The following CHCHD3 variants were observed in gnomAD, a reference collection of about 807,000 sequenced individuals.
The protein encoded by CHCHD3 is MICOS complex subunit MIC19.
In CHCHD3, 20 loss-of-function variants were observed where a neutral mutation model predicts 38.2. The observed-to-expected ratio is 0.52, with a 90% CI of 0.37 to 0.76. The LOEUF (loss-of-function observed/expected upper bound fraction) is 0.76, where lower values mean the gene tolerates loss of function less well. CHCHD3 is among the 30% of genes least tolerant of loss of function. The pLI is 0.00. For missense variants in CHCHD3, 245 were observed against 279.2 expected, an observed-to-expected ratio of 0.88 and a Z score of 0.87; for synonymous variants, 82 against 100.0, an observed-to-expected ratio of 0.82 and a Z score of 1.07.
At chr7:133,037,822 A>AATAC (rs1458291412) in intron 2 of CHCHD3, among the ~76,000 whole-genome samples, 2 of 152,172 alleles carry the variant, frequency 1.3e-5, no homozygotes, top group Admixed American at 1.3e-4. Context: ...AGAAAAAATA[A>AATAC]ATACATACAT....
chr7:132,829,641 A>G (rs529846252), intron 6 of CHCHD3, among the ~76,000 whole-genome samples: 1 of 152,338 alleles, frequency 6.6e-6, no homozygotes, highest in Admixed American at 6.5e-5. Context: ...AGAACAGAGA[A>G]GAATGCTCCA....
In CHCHD3 at chr7:132,907,669, G is replaced by C. The variant is rs181584136; in HGVS notation, c.370-21924C>G. On this transcript the variant is annotated intron_variant, in intron 4 of 7. Transcript: ENST00000262570. ...TCTGGACTTCATCCTGTAGGCCATG[G>C]GGGGGCCGCTAAAGGTTTTTGAGCA... 7.4e-4 allele frequency among the ~76,000 whole-genome samples: 112 copies of C among 152,242 alleles called. 1 individual carries two copies. Among genetic ancestry groups the C allele is most frequent in the East Asian group, 5.6e-3 (29 of 5,178 alleles).
chr7:132,961,244 T>C (rs1185038502), intron 4 of CHCHD3, among the ~76,000 whole-genome samples: 2 of 152,168 alleles, frequency 1.3e-5, no homozygotes, highest in Admixed American at 1.3e-4. Context: ...ATTGCACCAC[T>C]GTACTCCAGC....
chr7:132,820,621 T>G lies in CHCHD3; in HGVS notation c.524+17778A>C, dbSNP rs923501250. Among the ~76,000 whole-genome samples the G allele has an allele frequency of 5.3e-5, 8 of 150,308 alleles. No individual in the cohort carries two copies. The East Asian group carries it at 5.9e-4, about 11-fold the overall frequency. Reference sequence around the variant, plus strand: ...GGAAAATGTGCTAGTGTTTTTTTTTTTTTTTTTTTTTTTTTATTGCCCCTA... The same window carrying G: ...GGAAAATGTGCTAGTGTTTTTTTTTGTTTTTTTTTTTTTTTATTGCCCCTA... On this transcript the variant is annotated intron_variant, in intron 6 of 7. Transcript: ENST00000262570.
chr7:132,828,046 T>G (rs74782337), intron 6 of CHCHD3, among the ~76,000 whole-genome samples: 4,578 of 152,288 alleles, frequency 0.03, 97 homozygotes, highest in South Asian at 0.052. Flanking sequence ...TTGTTGCTAG[T>G]TTTTGATACT....
chr7:132,798,400 G>A (rs777012056), intron 6 of CHCHD3, among the ~76,000 whole-genome samples: 37 of 152,048 alleles, frequency 2.4e-4, no homozygotes, highest in African/African-American at 4.3e-4. Context: ...CCTTTACCAC[G>A]AACATCAGGA....
In CHCHD3 at chr7:132,964,753, G is replaced by GA. The variant is rs148136644; in HGVS notation, c.369+10415dup. ...TAAGAAAATTCAAAAATGACTTGACGAAAGTGTACAAATAGCACTTCCTTT... is the reference window on the plus strand; with the variant it reads ...TAAGAAAATTCAAAAATGACTTGACGAAAAGTGTACAAATAGCACTTCCTTT... On this transcript the variant is annotated intron_variant, in intron 4 of 7. Transcript: ENST00000262570. 1.1e-3 allele frequency among the ~76,000 whole-genome samples: 173 copies of GA among 152,252 alleles called. 1 individual carries two copies. The highest frequency in any genetic ancestry group is 3.9e-3 in the African/African-American group (163 of 41,544).
intron 4 of CHCHD3, among the ~76,000 whole-genome samples, chr7:132,936,562 C>T (rs1356298376): frequency 6.6e-6 from 1 of 152,154 alleles, no homozygotes; most frequent in East Asian, 1.9e-4. Context: ...TTCTATCAGG[C>T]CCATAAAAGT....
intron 4 of CHCHD3, among the ~76,000 whole-genome samples, chr7:132,965,122 A>G (rs767772840): frequency 1.9e-4 from 29 of 151,468 alleles, no homozygotes; most frequent in Non-Finnish European, 3.2e-4. Context: ...ATGCATGGCG[A>G]TTAGTTGCCC....
chr7:132,924,021 TA>T (rs1310392570), intron 4 of CHCHD3, among the ~76,000 whole-genome samples: 1 of 152,148 alleles, frequency 6.6e-6, no homozygotes, highest in Non-Finnish European at 1.5e-5. Flanking sequence ...ATCAGAACAA[TA>T]AGAATAACAT....
At chr7:132,981,868 T>C (rs1374851142) in intron 3 of CHCHD3, among the ~76,000 whole-genome samples, 3 of 152,224 alleles carry the variant, frequency 2.0e-5, no homozygotes, top group African/African-American at 7.2e-5. Context: ...AGTTGAACCG[T>C]GACCGTTATA....
chr7:132,920,284 A>T (rs1476108370), intron 4 of CHCHD3, among the ~76,000 whole-genome samples: 2 of 152,220 alleles, frequency 1.3e-5, no homozygotes, highest in East Asian at 3.8e-4. Flanking sequence ...ATTGCAAGAG[A>T]ACCTATGGCA....
chr7:133,063,507 T>G (rs1192546083), intron 2 of CHCHD3, among the ~76,000 whole-genome samples: 2 of 152,136 alleles, frequency 1.3e-5, no homozygotes, highest in Non-Finnish European at 2.9e-5. Context: ...GAGGGCAACT[T>G]TCTTTCTTTC....
chr7:133,032,317 G>A (rs1237003589), intron 2 of CHCHD3, among the ~76,000 whole-genome samples: 1 of 152,100 alleles, frequency 6.6e-6, no homozygotes, highest in Admixed American at 6.5e-5. Flanking sequence ...TACCTGGCAG[G>A]GGTAACTGTG....
rs1806274993 is a variant in CHCHD3, at chr7:132,784,905, GAAGTA to G, written c.*727_*731del. 1 of 152,636 alleles carries G rather than the reference GAAGTA, an allele frequency of 6.6e-6. No individual in the cohort carries two copies. Among genetic ancestry groups the G allele is most frequent in the African/African-American group, 2.4e-5 (1 of 41,456 alleles). 9.5% of individuals were successfully genotyped at this position (152,636 alleles called of 1,614,324 possible). On this transcript the variant is annotated 3_prime_UTR_variant, in exon 8 of 8. Transcript: ENST00000262570. ...AATATATTTATTATTGATAGTGAGT[GAAGTA>G]AAGATGTGAGTATTCACTATAGAGG...
At chr7:132,884,584 G>A (rs1057167827) in intron 5 of CHCHD3, among the ~76,000 whole-genome samples, 1 of 152,112 alleles carries the variant, frequency 6.6e-6, no homozygotes, top group African/African-American at 2.4e-5. Flanking sequence ...TACTGAGTGA[G>A]GGTTAATAGT....
chr7:132,805,296 C>T (rs1025709486), intron 6 of CHCHD3, among the ~76,000 whole-genome samples: 1 of 151,262 alleles, frequency 6.6e-6, no homozygotes. Flanking sequence ...GAGGGCATAA[C>T]CATTCTATTG....
At chr7:132,807,890 T>A (rs1422118209) in intron 6 of CHCHD3, among the ~76,000 whole-genome samples, 1 of 152,004 alleles carries the variant, frequency 6.6e-6, no homozygotes, top group African/African-American at 2.4e-5. Flanking sequence ...ATATATTGTA[T>A]CCTCCGAGAA....
intron 6 of CHCHD3, among the ~76,000 whole-genome samples, chr7:132,815,806 A>T (rs558048265): frequency 6.6e-6 from 1 of 152,146 alleles, no homozygotes; most frequent in Non-Finnish European, 1.5e-5. Context: ...GGTTGAACAA[A>T]TTTTTATATA....
Sources: gnomAD v4.1 joint callset for allele counts (sites outside exome capture counted in the v4.1 genomes callset) on GRCh38, gnomAD v4.1.1 for gene constraint, MANE v1.5 for transcripts, NCBI Gene and HGNC (gene_info 2026-07-23, HGNC 2026-07-21) for gene names.